Variants in ICE2 observed in about 807,000 individuals in gnomAD.
ICE2 encodes little elongation complex subunit 2.
In ICE2, 87 loss-of-function variants were observed where a neutral mutation model predicts 105.4. The ratio of observed to expected loss-of-function variants is 0.83; its 90% CI spans 0.69 to 0.99. The LOEUF is 0.99. ICE2 is among the 50% of genes least tolerant of loss of function. The probability of loss-of-function intolerance (pLI) is 0.00; values close to 1 mark genes in which losing one functional copy is unlikely to be tolerated. For synonymous variants in ICE2, 399 were observed against 392.0 expected (o/e 1.02, Z -0.21); for missense variants, 1,323 against 1,146.7 (o/e 1.15, Z -2.22).
rs564185387 is a variant in ICE2 at position 60,444,916 on chromosome 15, C to A, written c.2296-2371G>T. 1.1e-4 allele frequency among the ~76,000 whole-genome samples: 16 copies of A among 152,256 alleles called. No homozygotes were observed. The South Asian group carries it at 1.7e-3, about 16-fold the overall frequency. Reference sequence around the variant, plus strand: ...GCCAGGCTGGTCTCGAACTCCTGAGCTCAGCTGATCTACCTGCCTTGGCCT... The same window carrying A: ...GCCAGGCTGGTCTCGAACTCCTGAGATCAGCTGATCTACCTGCCTTGGCCT... On this transcript the variant is annotated intron_variant, in intron 11 of 15. Coordinates refer to ENST00000261520, the MANE Select transcript of ICE2 (RefSeq NM_024611.6).
Position 60,444,964 on chromosome 15 carries a change from C to T in ICE2, c.2296-2419G>A, listed in dbSNP as rs529594405. Among the ~76,000 whole-genome samples the T allele has an allele frequency of 4.6e-5, 7 of 152,280 alleles. No individual in the cohort carries two copies. In the South Asian group the frequency reaches 6.2e-4, roughly 14 times the overall value. ...CCTCCAAAAGAGTTGGGATTACAGG[C>T]GTGAGCCACCGTGCCTGGCCTAGCC... On this transcript the variant is annotated intron_variant, in intron 11 of 15. Transcript: ENST00000261520.
intron 12 of ICE2, chr15:60,439,926 G>C (rs1025324866): frequency 6.6e-6 from 1 of 152,186 alleles, no homozygotes; most frequent in Middle Eastern, 3.2e-3. Context: ...TATTTCCTCT[G>C]TAATTCCATT....
intron 11 of ICE2, among the ~76,000 whole-genome samples, chr15:60,446,046 A>T (rs2063815582): frequency 6.6e-6 from 1 of 152,218 alleles, no homozygotes; most frequent in Non-Finnish European, 1.5e-5. Flanking sequence ...TATAGCATTT[A>T]TCTAGGAGGA....
intron 5 of ICE2, among the ~76,000 whole-genome samples, chr15:60,463,199 G>T (rs902877542): frequency 6.6e-6 from 1 of 152,160 alleles, no homozygotes; most frequent in African/African-American, 2.4e-5. Context: ...TAACTCTATC[G>T]TGAGTCAAGA....
intron 13 of ICE2, among the ~76,000 whole-genome samples, chr15:60,432,530 T>C (rs2141004122): frequency 6.6e-6 from 1 of 152,086 alleles, no homozygotes; most frequent in African/African-American, 2.4e-5. Context: ...TATCATAATG[T>C]ATTTGGCTTT....
At position 60,449,661 on chromosome 15, in the gene ICE2, T is replaced by C. The variant is rs766273387; in HGVS notation, c.1306A>G (p.Lys436Glu). 1.9e-6 allele frequency: 3 copies of C among 1,613,994 alleles called. No individual in the cohort carries two copies. The highest frequency in any genetic ancestry group is 2.2e-5 in the East Asian group (1 of 44,894). The change falls in exon 10 of 16, where the codon AAA becomes GAA. Residue 436 changes from lysine (K) to glutamate (E), a missense_variant. Lys to Glu is a moderately conservative substitution (Grantham distance 56). Transcript: ENST00000261520. ...PNMTDAPTAP[K>E]AGTTTVAPSA... ...GGTGCCACAGTTGTAGTTCCTGCTT[T>C]GGGGGCTGTAGGAGCATCTGTCATG...
intron 9 of ICE2, chr15:60,453,375 A>T: frequency 7.6e-7 from 1 of 1,320,372 alleles, no homozygotes; most frequent in South Asian, 2.1e-5. Context: ...CCCTCATAAT[A>T]ACCTTGTCAA....
rs1346583602 is a variant in ICE2, at chr15:60,428,743, A to G, written c.2562-56T>C. 10 of 1,563,796 alleles carry G rather than the reference A, an allele frequency of 6.4e-6. No homozygotes were observed. In the Admixed American group the frequency reaches 1.4e-4, roughly 22 times the overall value. ...GGCTCACTGTGTCAATTTCAACATCACTTTCTTAATCATAATCTATTAGTA... is the reference window on the plus strand; with the variant it reads ...GGCTCACTGTGTCAATTTCAACATCGCTTTCTTAATCATAATCTATTAGTA... On this transcript the variant is annotated intron_variant, in intron 14 of 15. Coordinates refer to ENST00000261520, the MANE Select transcript of ICE2 (RefSeq NM_024611.6).
intron 1 of ICE2, 146 bp downstream of exon 1, chr15:60,478,857 C>T: frequency 2.4e-6 from 1 of 419,468 alleles, no homozygotes; most frequent in South Asian, 1.6e-5. Flanking sequence ...GCAAGCAAAG[C>T]AGGGGTAGGA....
At chr15:60,455,984 C>A (rs928946991) in intron 6 of ICE2, among the ~76,000 whole-genome samples, 1 of 151,820 alleles carries the variant, frequency 6.6e-6, no homozygotes, top group African/African-American at 2.4e-5. Context: ...CAAATCATAA[C>A]GGGGATGGTA....
rs1443688533 is a variant in ICE2 at position 60,455,395 on chromosome 15, C to T, written c.714G>A (p.Lys238=). The T allele has an allele frequency of 1.2e-6, 2 of 1,613,872 alleles. No homozygotes were observed. The highest frequency in any genetic ancestry group is 1.7e-6 in the Non-Finnish European group (2 of 1,179,934). The change falls in exon 7 of 16, where the codon AAG becomes AAA. Residue 238 remains lysine (K), a synonymous_variant. Transcript: ENST00000261520. The part of the protein sequence containing the change: ...VKTVFPSMPI[K]LQLSKDDIAT... ...CTATATCGTCCTTTGACAGCTGCAA[C>T]TTTATAGGCATTGAGGGAAATACTG...
At chr15:60,429,341 G>C (rs889026828) in intron 14 of ICE2, among the ~76,000 whole-genome samples, 2 of 152,174 alleles carry the variant, frequency 1.3e-5, no homozygotes, top group African/African-American at 4.8e-5. Flanking sequence ...ACAAATTAGA[G>C]ATGCTAAGCA....
intron 12 of ICE2, chr15:60,438,071 A>G (rs1449439967): frequency 6.6e-6 from 1 of 152,214 alleles, no homozygotes; most frequent in East Asian, 1.9e-4. Context: ...GTATGTTCTA[A>G]AACAAAACAG....
At chr15:60,476,674 C>T (rs1031613666) in intron 2 of ICE2, among the ~76,000 whole-genome samples, 1 of 152,192 alleles carries the variant, frequency 6.6e-6, no homozygotes, top group African/African-American at 2.4e-5. Context: ...GCTAAAACCA[C>T]CTCAAAGGTG....
At chr15:60,462,708 G>A (rs575093367) in intron 5 of ICE2, among the ~76,000 whole-genome samples, 24 of 152,054 alleles carry the variant, frequency 1.6e-4, no homozygotes, top group African/African-American at 5.1e-4. Context: ...GAAAACATGC[G>A]CTCTCTCTGG....
Position 60,477,979 on chromosome 15 carries a change from T to G in ICE2, c.-2A>C, listed in dbSNP as rs61753856. ...ACTTATGACCATCTTGGAGCTCATC[T>G]TCCTAGATTTCTGCTTCACTCTAGC... On this transcript the variant is annotated 5_prime_UTR_variant, in exon 2 of 16. Coordinates refer to ENST00000261520, the MANE Select transcript of ICE2 (RefSeq NM_024611.6). The G allele has an allele frequency of 9.7e-4, 1,565 of 1,613,932 alleles. 3 individuals are homozygous for G. Among genetic ancestry groups the G allele is most frequent in the Non-Finnish European group, 1.2e-3 (1,376 of 1,179,796 alleles).
intron 10 of ICE2, among the ~76,000 whole-genome samples, 199 bp from the exon 11 acceptor site, chr15:60,448,344 G>T (rs1266569635): frequency 1.3e-5 from 2 of 152,080 alleles, no homozygotes; most frequent in African/African-American, 4.8e-5. Flanking sequence ...CTAGCTTTAA[G>T]GTTCTTCTCC....
rs2063896998 is a variant in ICE2, at chr15:60,449,116, G to C, written c.1851C>G (p.Asn617Lys). ...NSSSGQASVG[N>K]QTNTACSPEE... ...CAGGACTACAAGCAGTATTAGTCTG[G>C]TTTCCTACAGAAGCCTGTCCTGAGG... The change falls in exon 10 of 16, where the codon AAC (asparagine) becomes AAG (lysine). Residue 617 changes from asparagine (N) to lysine (K), a missense_variant. Physicochemically the swap from Asn to Lys is moderately conservative, Grantham distance 94 (BLOSUM62 0). Transcript: ENST00000261520. 1 of 1,614,012 alleles carries C rather than the reference G, an allele frequency of 6.2e-7. No homozygotes were observed. The highest frequency in any genetic ancestry group is 1.7e-5 in the Admixed American group (1 of 60,004).
In ICE2 at chr15:60,421,709, C is replaced by T. The variant is rs1389237884; in HGVS notation, c.*1925G>A. On this transcript the variant is annotated 3_prime_UTR_variant, in exon 16 of 16. Transcript: ENST00000261520. ...GAGTACATTTCAAGGGAATCCCTGCCTCTCCCTTGGCTCGCTGGCAAATGA... is the reference window on the plus strand; with the variant it reads ...GAGTACATTTCAAGGGAATCCCTGCTTCTCCCTTGGCTCGCTGGCAAATGA... 1 of 152,058 alleles carries T rather than the reference C, an allele frequency of 6.6e-6. No homozygotes were observed. The highest frequency in any genetic ancestry group is 1.9e-4 in the East Asian group (1 of 5,200). The allele number at this position is 152,058 out of a possible 1,614,324, so 9.4% of individuals were successfully genotyped here.
Sources: allele counts gnomAD v4.1 joint callset (sites outside exome capture counted in the v4.1 genomes callset), GRCh38; gene constraint gnomAD v4.1.1; transcripts MANE v1.5; gene names NCBI Gene and HGNC (gene_info 2026-07-23, HGNC 2026-07-21).